Variants in CARMIL1 observed in about 807,000 individuals in gnomAD.
The protein encoded by CARMIL1 is F-actin-uncapping protein LRRC16A.
CARMIL1 carries 90 observed loss-of-function variants against 177.1 expected under a neutral mutation model. The ratio of observed to expected loss-of-function variants is 0.51; its 90% CI spans 0.43 to 0.61. CARMIL1 has a LOEUF of 0.61. Among genes scored for constraint, CARMIL1 ranks in the 20% least tolerant of loss-of-function variants. CARMIL1 has a pLI of 0.00. For missense variants in CARMIL1, 1,380 were observed against 1,667.0 expected, an observed-to-expected ratio of 0.83 and a Z score of 3.00; for synonymous variants, 577 against 606.2, an observed-to-expected ratio of 0.95 and a Z score of 0.71.
intron 5 of CARMIL1, among the ~76,000 whole-genome samples, chr6:25,442,835 C>A (rs1797901890): frequency 6.6e-6 from 1 of 152,194 alleles, no homozygotes; most frequent in Non-Finnish European, 1.5e-5. Flanking sequence ...CTGCTGCCTC[C>A]TTTACTCTCT....
intron 5 of CARMIL1, among the ~76,000 whole-genome samples, chr6:25,446,952 A>C (rs1018393554): frequency 6.6e-6 from 1 of 152,178 alleles, no homozygotes. Flanking sequence ...TAAGTAGCTA[A>C]GTTTGCTGTC....
intron 3 of CARMIL1, among the ~76,000 whole-genome samples, chr6:25,425,172 T>C (rs1456890914): frequency 6.6e-6 from 1 of 152,180 alleles, no homozygotes; most frequent in African/African-American, 2.4e-5. Flanking sequence ...AAAACAAACG[T>C]CTCAGTACTC....
In CARMIL1 at chr6:25,533,270, C is replaced by T. The variant is rs538252307; in HGVS notation, c.2067+4377C>T. ...CAATGTGCAGGGGCCTTTTCTCCTT[C>T]TTCATCTCTTGATAAAAGGAGGCAG... On this transcript the variant is annotated intron_variant, in intron 24 of 36. Transcript: ENST00000329474. 5.9e-5 allele frequency among the ~76,000 whole-genome samples: 9 copies of T among 152,278 alleles called. No homozygotes were observed. In the South Asian group the frequency reaches 1.9e-3, roughly 32 times the overall value.
intron 5 of CARMIL1, among the ~76,000 whole-genome samples, chr6:25,442,468 A>ATGTGTG (rs5875041): frequency 3.8e-4 from 56 of 148,984 alleles, no homozygotes; most frequent in Non-Finnish European, 7.6e-4. Flanking sequence ...GTGTGTGTGT[A>ATGTGTG]TGTGTGTGTG....
chr6:25,593,745 C>T (rs1316996651), intron 31 of CARMIL1, among the ~76,000 whole-genome samples: 2 of 152,152 alleles, frequency 1.3e-5, no homozygotes, highest in East Asian at 3.8e-4. Context: ...ATATGCCTCA[C>T]ATAACTGCAG....
At chr6:25,317,039 A>G (rs1304278899) in intron 2 of CARMIL1, among the ~76,000 whole-genome samples, 2 of 152,226 alleles carry the variant, frequency 1.3e-5, no homozygotes, top group Non-Finnish European at 2.9e-5. Context: ...TTTTAAAACT[A>G]AAAGGTGTCA....
intron 5 of CARMIL1, among the ~76,000 whole-genome samples, chr6:25,449,577 G>A (rs1015290082): frequency 7.2e-5 from 11 of 152,122 alleles, no homozygotes; most frequent in Admixed American, 7.2e-4. Context: ...TTTATATTTG[G>A]TATATACGTA....
intron 2 of CARMIL1, among the ~76,000 whole-genome samples, chr6:25,366,656 T>C (rs1322931540): frequency 6.6e-6 from 1 of 151,120 alleles, no homozygotes; most frequent in African/African-American, 2.4e-5. Context: ...TCATTATACA[T>C]TATACAAGTA....
At chr6:25,592,137 G>T (rs574120680) in intron 31 of CARMIL1, among the ~76,000 whole-genome samples, 1 of 152,048 alleles carries the variant, frequency 6.6e-6, no homozygotes, top group Non-Finnish European at 1.5e-5. Context: ...TCCTGGGGTC[G>T]CATCTTTCTT....
At chr6:25,539,799 C>A in intron 25 of CARMIL1, 148 bp from the exon 26 acceptor site, 1 of 512,460 alleles carries the variant, frequency 2.0e-6, no homozygotes, top group Non-Finnish European at 3.2e-6. Flanking sequence ...ATAGTCTGGA[C>A]CTCAGTTTAT....
At chr6:25,369,367 A>C (rs1790166093) in intron 2 of CARMIL1, among the ~76,000 whole-genome samples, 1 of 137,118 alleles carries the variant, frequency 7.3e-6, no homozygotes, top group Non-Finnish European at 1.6e-5. Context: ...GTTGAATGCA[A>C]TGCTGTATTT....
At chr6:25,338,593 A>T in intron 2 of CARMIL1, among the ~76,000 whole-genome samples, 1 of 150,750 alleles carries the variant, frequency 6.6e-6, no homozygotes. Flanking sequence ...TTGTTAGGAG[A>T]ATTTACACTT....
chr6:25,596,291 A>G (rs1002904413), intron 32 of CARMIL1, among the ~76,000 whole-genome samples: 9 of 152,232 alleles, frequency 5.9e-5, no homozygotes, highest in Admixed American at 5.9e-4. Flanking sequence ...GAATCTACTA[A>G]AAGTTGTGAT....
At chr6:25,285,565 G>A (rs1781458645) in intron 2 of CARMIL1, among the ~76,000 whole-genome samples, 1 of 152,160 alleles carries the variant, frequency 6.6e-6, no homozygotes, top group South Asian at 2.1e-4. Context: ...AAAACATTTT[G>A]TGATATTTTA....
intron 8 of CARMIL1, among the ~76,000 whole-genome samples, chr6:25,461,906 C>G (rs1486864798): frequency 6.6e-6 from 1 of 151,914 alleles, no homozygotes; most frequent in African/African-American, 2.4e-5. Context: ...TGGTTTTTCC[C>G]TAATGCATTT....
intron 2 of CARMIL1, among the ~76,000 whole-genome samples, chr6:25,302,086 A>C (rs1213086271): frequency 6.6e-6 from 1 of 152,170 alleles, no homozygotes; most frequent in Non-Finnish European, 1.5e-5. Context: ...ATTGTAAATC[A>C]TTTTCTGAAA....
chr6:25,456,060 G>A (rs543663578), intron 8 of CARMIL1, among the ~76,000 whole-genome samples: 1 of 152,168 alleles, frequency 6.6e-6, no homozygotes. Context: ...TAGGCCCCGT[G>A]TTAGGACACT....
At position 25,598,989 on chromosome 6, in the gene CARMIL1, T is replaced by C. The variant is rs148773176; in HGVS notation, c.3120-1325T>C. Among the ~76,000 whole-genome samples the C allele has an allele frequency of 9.7e-3, 1,485 of 152,348 alleles. 26 individuals carry two copies. Among genetic ancestry groups the C allele is most frequent in the African/African-American group, 0.035 (1,447 of 41,580 alleles). On this transcript the variant is annotated intron_variant, in intron 32 of 36. Coordinates refer to ENST00000329474, the MANE Select transcript of CARMIL1 (RefSeq NM_017640.6). Reference sequence around the variant, plus strand: ...GTCCCGGGGATGTCACTGCTCACTGTGCAGGCTTTCTTGAGCCTCCCTGTT... The same window carrying C: ...GTCCCGGGGATGTCACTGCTCACTGCGCAGGCTTTCTTGAGCCTCCCTGTT...
intron 23 of CARMIL1, among the ~76,000 whole-genome samples, chr6:25,525,515 T>C (rs1807008711): frequency 6.6e-6 from 1 of 152,182 alleles, no homozygotes; most frequent in Non-Finnish European, 1.5e-5. Flanking sequence ...GAAAATGATA[T>C]AGATTACAAA....
Sources: allele counts gnomAD v4.1 joint callset (sites outside exome capture counted in the v4.1 genomes callset), GRCh38; gene constraint gnomAD v4.1.1; transcripts MANE v1.5; gene names NCBI Gene and HGNC (gene_info 2026-07-23, HGNC 2026-07-21).